CLEC6A: variants seen among roughly 807,000 people sequenced by gnomAD.
The protein encoded by CLEC6A is C-type lectin domain containing 6A.
CLEC6A carries 22 observed loss-of-function variants against 25.7 expected under a neutral mutation model. That is an observed-to-expected ratio of 0.85 (90% CI 0.61 to 1.22). CLEC6A has a LOEUF of 1.22. Ranked by LOEUF, CLEC6A falls within the 50% of genes most tolerant of loss-of-function variation. CLEC6A has a pLI of 0.00. For synonymous variants in CLEC6A, 92 were observed against 76.7 expected, an observed-to-expected ratio of 1.20 and a Z score of -1.04; for missense variants, 240 against 236.8, an observed-to-expected ratio of 1.01 and a Z score of -0.09.
Position 8,459,663 on chromosome 12 carries a change from G to A in CLEC6A, c.188G>A (p.Ser63Asn). 1 of 1,613,424 alleles carries A rather than the reference G, an allele frequency of 6.2e-7. No homozygotes were observed. Among genetic ancestry groups the A allele is most frequent in the Non-Finnish European group, 8.5e-7 (1 of 1,179,394 alleles). Residue 63 changes from serine to asparagine, a missense_variant, in exon 3 of 6, where the codon AGT becomes AAT. By Grantham distance (46) the Ser-to-Asn change is conservative. Coordinates refer to ENST00000382073, the MANE Select transcript of CLEC6A (RefSeq NM_001007033.2). ...RLSELHSYHS[S>N]LTCFSEGTKV... is the part of the protein sequence containing the mutation. ...TCTGAACTACACTCATATCATTCAA[G>A]TCTCACCTGCTTCAGTGAAGGGACA... is the stretch of plus-strand genomic sequence containing the variant.
chr12:8,461,187 A>G, intron 3 of CLEC6A: 1 of 1,119,026 alleles, frequency 8.9e-7, no homozygotes, highest in East Asian at 2.4e-5. Flanking sequence ...CTCATCTGGC[A>G]GATTGGAGAA....
intron 3 of CLEC6A, among the ~76,000 whole-genome samples, chr12:8,464,534 T>TG (rs1939805320): frequency 2.0e-5 from 3 of 152,092 alleles, no homozygotes; most frequent in African/African-American, 4.8e-5. Flanking sequence ...GGGTTTCATC[T>TG]TGTTAGCCAG....
chr12:8,476,641 A>G (rs773287069), intron 5 of CLEC6A, among the ~76,000 whole-genome samples: 2 of 152,096 alleles, frequency 1.3e-5, no homozygotes, highest in Non-Finnish European at 2.9e-5. Context: ...TTACATAATA[A>G]TACTATTTAC....
intron 4 of CLEC6A, among the ~76,000 whole-genome samples, chr12:8,468,900 C>G (rs951098995): frequency 6.6e-6 from 1 of 152,090 alleles, no homozygotes; most frequent in Non-Finnish European, 1.5e-5. Flanking sequence ...CCCACTCTTA[C>G]CATTTTTATT....
At chr12:8,467,041 A>G (rs931280024) in intron 4 of CLEC6A, among the ~76,000 whole-genome samples, 1 of 152,088 alleles carries the variant, frequency 6.6e-6, no homozygotes, top group Non-Finnish European at 1.5e-5. Flanking sequence ...TAACTGTGTT[A>G]TTTGTTTTAT....
chr12:8,461,278 C>A, intron 3 of CLEC6A: 2 of 565,500 alleles, frequency 3.5e-6, no homozygotes, highest in Non-Finnish European at 6.3e-6. Flanking sequence ...CAATTTAGGA[C>A]AGTCAAAAAA....
In CLEC6A at chr12:8,477,472, C is replaced by A; in HGVS notation, c.*8C>A. The A allele has an allele frequency of 6.3e-7, 1 of 1,586,310 alleles. No individual in the cohort carries two copies. The highest frequency in any genetic ancestry group is 8.6e-7 in the Non-Finnish European group (1 of 1,168,474). On this transcript the variant is annotated 3_prime_UTR_variant, in exon 6 of 6. Coordinates refer to ENST00000382073, the MANE Select transcript of CLEC6A (RefSeq NM_001007033.2). ...AATAAGATTTACCTATGAGTAGAAG[C>A]TTAATTGGAAAGAAGAGAAGAATTA...
intron 3 of CLEC6A, among the ~76,000 whole-genome samples, chr12:8,463,213 C>T (rs4242889): frequency 0.77 from 117,364 of 152,084 alleles, 45,714 homozygotes; most frequent in East Asian, 0.99. Flanking sequence ...CATTAGGCTT[C>T]GAGTGGTATA....
intron 3 of CLEC6A, chr12:8,461,081 T>C (rs1801390910): frequency 6.3e-7 from 1 of 1,596,030 alleles, no homozygotes; most frequent in Non-Finnish European, 8.5e-7. Context: ...ACCAAACCAG[T>C]CCACAAGCAC....
chr12:8,475,964 G>A (rs1176602381), intron 4 of CLEC6A, among the ~76,000 whole-genome samples, 161 bp from the exon 5 acceptor site: 1 of 152,154 alleles, frequency 6.6e-6, no homozygotes, highest in Admixed American at 6.6e-5. Context: ...TAATGATATT[G>A]TTACTTTTGG....
rs757639640 is a variant in CLEC6A, at chr12:8,465,579, T to A, written c.319T>A (p.Cys107Ser). 1 of 1,614,126 alleles carries A rather than the reference T, an allele frequency of 6.2e-7. No individual in the cohort carries two copies. Among genetic ancestry groups the A allele is most frequent in the East Asian group, 2.2e-5 (1 of 44,876 alleles). Residue 107 changes from cysteine to serine, a missense_variant, in exon 4 of 6, where the codon TGT (cysteine) becomes AGT (serine). Transcript: ENST00000382073. ...GGTTTGGTCTAAGAGTGAGCAGAAC[T>A]GTGTTGAGATGGGAGCACATTTGGT... ...EKVWSKSEQN[C>S]VEMGAHLVVF...
intron 3 of CLEC6A, among the ~76,000 whole-genome samples, chr12:8,464,315 T>A (rs1939800852): frequency 6.8e-6 from 1 of 147,900 alleles, no homozygotes; most frequent in African/African-American, 2.5e-5. Flanking sequence ...CATTGCTGTT[T>A]AAAATTTCTT....
intron 1 of CLEC6A, among the ~76,000 whole-genome samples, chr12:8,457,672 C>T (rs4435079): frequency 0.75 from 114,245 of 152,158 alleles, 43,360 homozygotes; most frequent in East Asian, 0.99. Flanking sequence ...AGAATAAAGA[C>T]ATGGAAATTC....
At chr12:8,476,895 CTT>C in intron 5 of CLEC6A, among the ~76,000 whole-genome samples, 1 of 152,138 alleles carries the variant, frequency 6.6e-6, no homozygotes. Flanking sequence ...GGCAGGGTAA[CTT>C]TTACATCCAG....
chr12:8,458,636 C>G (rs1248364042), intron 2 of CLEC6A, among the ~76,000 whole-genome samples: 5 of 152,058 alleles, frequency 3.3e-5, no homozygotes, highest in Non-Finnish European at 5.9e-5. Flanking sequence ...CAGGTTGTAG[C>G]TATAGTTCCC....
intron 4 of CLEC6A, 26 bp downstream of exon 4, chr12:8,465,655 T>G (rs1939820627): frequency 6.3e-7 from 1 of 1,593,850 alleles, no homozygotes; most frequent in African/African-American, 1.3e-5. Context: ...AAAATTTATT[T>G]AATTGTAGAG....
chr12:8,474,907 A>C (rs951787297), intron 4 of CLEC6A, among the ~76,000 whole-genome samples: 2 of 152,114 alleles, frequency 1.3e-5, no homozygotes, highest in African/African-American at 2.4e-5. Flanking sequence ...ATTATACTTT[A>C]AGTTCTAGGG....
chr12:8,465,529 G>A lies in CLEC6A; in HGVS notation c.269G>A (p.Cys90Tyr). 5 of 1,613,830 alleles carry A rather than the reference G, an allele frequency of 3.1e-6. No homozygotes were observed. The highest frequency in any genetic ancestry group is 3.4e-6 in the Non-Finnish European group (4 of 1,179,840). Residue 90 changes from cysteine (C) to tyrosine (Y), a missense_variant, in exon 4 of 6, where the codon TGC becomes TAC. Cys to Tyr is a radical substitution (Grantham distance 194). Coordinates refer to ENST00000382073, the MANE Select transcript of CLEC6A (RefSeq NM_001007033.2). ...PASWKSFGSS[C>Y]YFISSEEKVW... ...TCTTGGAAGTCATTTGGTTCCAGTTGCTACTTCATTTCCAGTGAAGAGAAG... is the reference window on the plus strand; with the variant it reads ...TCTTGGAAGTCATTTGGTTCCAGTTACTACTTCATTTCCAGTGAAGAGAAG...
At chr12:8,476,622 G>C (rs1939977189) in intron 5 of CLEC6A, among the ~76,000 whole-genome samples, 1 of 151,988 alleles carries the variant, frequency 6.6e-6, no homozygotes. Flanking sequence ...TACAATTTTA[G>C]TAGAAAAATT....
Sources: gnomAD v4.1 joint callset for allele counts (sites outside exome capture counted in the v4.1 genomes callset) on GRCh38, gnomAD v4.1.1 for gene constraint, MANE v1.5 for transcripts, NCBI Gene and HGNC (gene_info 2026-07-23, HGNC 2026-07-21) for gene names.